The following PCDHGB3 variants were observed in gnomAD, a reference collection of about 807,000 sequenced individuals.
PCDHGB3 encodes the protein protocadherin gamma-B3.
In PCDHGB3, 40 loss-of-function variants were observed where a neutral mutation model predicts 59.2. That is an observed-to-expected ratio of 0.68 (90% CI 0.52 to 0.88). The LOEUF (loss-of-function observed/expected upper bound fraction) is 0.88, where lower values mean the gene tolerates loss of function less well. PCDHGB3 is among the 40% of genes least tolerant of loss of function. PCDHGB3 has a pLI of 0.00. For synonymous variants in PCDHGB3, 581 were observed against 503.6 expected (o/e 1.15, Z -2.06); for missense variants, 1,309 against 1,187.9 (o/e 1.10, Z -1.50).
chr5:141,408,870 G>A (rs780987841), intron 1 of PCDHGB3: 1 of 1,613,656 alleles, frequency 6.2e-7, no homozygotes, highest in South Asian at 1.1e-5. Context: ...CCACCAAGAA[G>A]TGCCACCGCT....
intron 1 of PCDHGB3, chr5:141,384,055 A>G (rs764578426): frequency 7.5e-6 from 12 of 1,610,418 alleles, no homozygotes; most frequent in Non-Finnish European, 1.0e-5. Context: ...GACCTGCACC[A>G]TTCCAGAAAA....
In PCDHGB3 at chr5:141,399,908, C is replaced by T. The variant is rs141997055; in HGVS notation, c.2415+27099C>T. 17,269 of 1,612,412 alleles carry T rather than the reference C, an allele frequency of 0.011. 105 individuals are homozygous for T. Among genetic ancestry groups the T allele is most frequent in the Non-Finnish European group, 0.012 (14,309 of 1,179,754 alleles). On this transcript the variant is annotated intron_variant, in intron 1 of 3. Transcript: ENST00000576222. ...AAGGTAGTGGCCGTGGACGCAGACT[C>T]AGGACACAACGCCTGGCTGTCCTAC... is the stretch of plus-strand genomic sequence containing the variant.
chr5:141,384,013 C>T, intron 1 of PCDHGB3: 1 of 1,613,758 alleles, frequency 6.2e-7, no homozygotes, highest in Non-Finnish European at 8.5e-7. Context: ...TTTCTACCTA[C>T]AAGACAGAGA....
rs1001719735 is a variant in PCDHGB3 at position 141,512,055 on chromosome 5, TGAC to T, written c.*883_*885del. 10 of 152,698 alleles carry T rather than the reference TGAC, an allele frequency of 6.5e-5. No homozygotes were observed. The highest frequency in any genetic ancestry group is 1.4e-4 in the African/African-American group (6 of 41,450). 9.5% of individuals were successfully genotyped at this position (152,698 alleles called of 1,614,324 possible). On this transcript the variant is annotated 3_prime_UTR_variant, in exon 4 of 4. Coordinates refer to ENST00000576222, the MANE Select transcript of PCDHGB3 (RefSeq NM_018924.5). ...GAGGCTCTGTATGTCCTCAGGGGACTGACAACATCCTCCAGATTCCAGCCATAA... is the reference window on the plus strand; with the variant it reads ...GAGGCTCTGTATGTCCTCAGGGGACTAACATCCTCCAGATTCCAGCCATAA...
rs1038145479 is a variant in PCDHGB3 at position 141,408,047 on chromosome 5, A to G, written c.2415+35238A>G. The G allele has an allele frequency of 5.6e-6, 7 of 1,243,316 alleles. No individual in the cohort carries two copies. In the African/African-American group the frequency reaches 1.1e-4, roughly 19 times the overall value. The allele number at this position is 1,243,316 out of a possible 1,614,324, so 77.0% of individuals were successfully genotyped here. On this transcript the variant is annotated intron_variant, in intron 1 of 3. Coordinates refer to ENST00000576222, the MANE Select transcript of PCDHGB3 (RefSeq NM_018924.5). ...GAAAGAAGAAAACCAGCTCCCACAC[A>G]GAGCCTCCCGGCTGCGCAGACCTTT...
chr5:141,403,127 C>G, intron 1 of PCDHGB3: 1 of 1,614,062 alleles, frequency 6.2e-7, no homozygotes, highest in Non-Finnish European at 8.5e-7. Context: ...GCCCCGGGAG[C>G]TGGCGGAGCG....
chr5:141,501,508 C>A (rs1378333182), intron 2 of PCDHGB3, among the ~76,000 whole-genome samples: 1 of 151,960 alleles, frequency 6.6e-6, no homozygotes, highest in Non-Finnish European at 1.5e-5. Flanking sequence ...GGCTCCAAGG[C>A]CTCCAAGCTG....
chr5:141,404,886 C>T (rs1248535405), intron 1 of PCDHGB3: 2 of 1,613,906 alleles, frequency 1.2e-6, no homozygotes, highest in South Asian at 1.1e-5. Context: ...CTTGTGGTGG[C>T]TGTACAGGAC....
intron 1 of PCDHGB3, chr5:141,421,750 C>G: frequency 6.2e-7 from 1 of 1,613,906 alleles, no homozygotes; most frequent in East Asian, 2.2e-5. Flanking sequence ...CCAGCTCAGC[C>G]CTAATAATTA....
Position 141,487,226 on chromosome 5 carries a change from G to A in PCDHGB3, c.2416-7581G>A. ...TCGAGAATCTTCAGCTCCAAGGGAA[G>A]GAGAATCTCGTCTAACCCTCTACTT... is the stretch of plus-strand genomic sequence containing the variant. On this transcript the variant is annotated intron_variant, in intron 1 of 3. Transcript: ENST00000576222. This position sits in a 1 kb window ranked among gnomAD's most constrained non-coding sequence, Gnocchi z 5.0. The A allele has an allele frequency of 6.2e-7, 1 of 1,614,104 alleles. No individual in the cohort carries two copies. Among genetic ancestry groups the A allele is most frequent in the South Asian group, 1.1e-5 (1 of 91,074 alleles).
chr5:141,471,112 G>A (rs1442344944), intron 1 of PCDHGB3, among the ~76,000 whole-genome samples: 3 of 147,914 alleles, frequency 2.0e-5, no homozygotes, highest in Non-Finnish European at 4.4e-5. Flanking sequence ...GCAGTGGTGC[G>A]ATCTTACCTT....
intron 1 of PCDHGB3, chr5:141,377,597 C>G (rs935154854): frequency 2.6e-4 from 37 of 142,848 alleles, no homozygotes; most frequent in African/African-American, 9.9e-4. Context: ...CTTTTTCTCT[C>G]TCTCTCTCAA....
At chr5:141,435,172 T>G (rs1406204282) in intron 1 of PCDHGB3, among the ~76,000 whole-genome samples, 1 of 152,198 alleles carries the variant, frequency 6.6e-6, no homozygotes, top group Non-Finnish European at 1.5e-5. Context: ...GAGTGGCTTT[T>G]AACTACACTT....
chr5:141,413,194 C>T lies in PCDHGB3; in HGVS notation c.2415+40385C>T, dbSNP rs749749411. ...GACTACAATGGCCGCTCAAAGGAAT[C>T]GCTCAAAGGAATCAAAGGATTGCAG... On this transcript the variant is annotated intron_variant, in intron 1 of 3. Coordinates refer to ENST00000576222, the MANE Select transcript of PCDHGB3 (RefSeq NM_018924.5). 5.3e-5 allele frequency: 85 copies of T among 1,607,784 alleles called. No individual in the cohort carries two copies. Among genetic ancestry groups the T allele is most frequent in the Non-Finnish European group, 7.0e-5 (82 of 1,176,492 alleles).
At chr5:141,375,076 G>C in intron 1 of PCDHGB3, 1 of 1,614,010 alleles carries the variant, frequency 6.2e-7, no homozygotes, top group Non-Finnish European at 8.5e-7. Context: ...GAGACAGAGC[G>C]AAAGTCTTAA....
At chr5:141,436,394 T>C (rs781428769) in intron 1 of PCDHGB3, among the ~76,000 whole-genome samples, 15 of 152,216 alleles carry the variant, frequency 9.9e-5, no homozygotes, top group Non-Finnish European at 1.9e-4. Flanking sequence ...CTTTATTAAA[T>C]AGTTGTTGAA....
At chr5:141,415,638 T>G in intron 1 of PCDHGB3, 1 of 1,598,954 alleles carries the variant, frequency 6.3e-7, no homozygotes, top group Non-Finnish European at 8.5e-7. Flanking sequence ...TTTTTACTTT[T>G]GTTAAAAAAA....
In PCDHGB3 at chr5:141,500,527, A is replaced by C. The variant is rs937551961; in HGVS notation, c.2475-4866A>C. On this transcript the variant is annotated intron_variant, in intron 2 of 3. Transcript: ENST00000576222. ...CCTGGCCGAGCTTCATTTTAAAAAA[A>C]TCTCATTCACCTAAATAAGTTGTTC... is the stretch of plus-strand genomic sequence containing the variant. 5.9e-5 allele frequency among the ~76,000 whole-genome samples: 9 copies of C among 152,298 alleles called. No individual in the cohort carries two copies. The South Asian group carries it at 6.2e-4, about 11-fold the overall frequency.
chr5:141,432,686 G>A lies in PCDHGB3; in HGVS notation c.2415+59877G>A. On this transcript the variant is annotated intron_variant, in intron 1 of 3. Transcript: ENST00000576222. The surrounding 1 kb of genome is among the most constrained non-coding windows in gnomAD (Gnocchi z 6.0). The stretch of plus-strand genomic sequence containing the variant: ...CAGAGACGCGCTCAAGCAGAGCCTC[G>A]TAGTGGCCGTCCAGGACCACGGCCA... 2 of 1,613,922 alleles carry A rather than the reference G, an allele frequency of 1.2e-6. No homozygotes were observed. The highest frequency in any genetic ancestry group is 1.7e-5 in the Admixed American group (1 of 60,020).
Sources: gnomAD v4.1 joint callset for allele counts (sites outside exome capture counted in the v4.1 genomes callset) on GRCh38, gnomAD v4.1.1 for gene constraint, Gnocchi (gnomAD v3.1) non-coding constraint, MANE v1.5 for transcripts, NCBI Gene and HGNC (gene_info 2026-07-23, HGNC 2026-07-21) for gene names.